The following LAMB1 variants were observed in gnomAD, a reference collection of about 807,000 sequenced individuals.
LAMB1 encodes laminin subunit beta-1.
A neutral mutation model predicts 222.3 loss-of-function variants in LAMB1; 121 were observed. That is an observed-to-expected ratio of 0.54 (90% confidence interval 0.47 to 0.63). The LOEUF (loss-of-function observed/expected upper bound fraction) is 0.63. Ranked by LOEUF, LAMB1 falls within the 30% of genes least tolerant of loss-of-function variation. The pLI, the probability that LAMB1 is intolerant of heterozygous loss-of-function variation, is 0.00. For missense variants in LAMB1, 2,172 were observed against 2,240.8 expected, an observed-to-expected ratio of 0.97 and a Z score of 0.62; for synonymous variants, 794 against 807.2, an observed-to-expected ratio of 0.98 and a Z score of 0.28.
At chr7:107,931,963 TTGAG>T (rs1209535326) in intron 28 of LAMB1, among the ~76,000 whole-genome samples, 1 of 152,200 alleles carries the variant, frequency 6.6e-6, no homozygotes, top group African/African-American at 2.4e-5. Flanking sequence ...AAAGCATGTG[TTGAG>T]TGAGGAGAAA....
chr7:108,000,177 T>G (rs2034355788), intron 3 of LAMB1, among the ~76,000 whole-genome samples: 1 of 148,512 alleles, frequency 6.7e-6, no homozygotes, highest in Admixed American at 6.8e-5. Context: ...AAACTAGTAC[T>G]GGAGAACAAT....
At chr7:108,001,143 C>T (rs1043285204) in intron 3 of LAMB1, among the ~76,000 whole-genome samples, 1 of 152,104 alleles carries the variant, frequency 6.6e-6, no homozygotes, top group Admixed American at 6.5e-5. Flanking sequence ...CCTTGCAAGA[C>T]GCCTGTCATT....
intron 15 of LAMB1, among the ~76,000 whole-genome samples, chr7:107,962,602 T>A (rs2033530608): frequency 6.6e-6 from 1 of 150,438 alleles, no homozygotes; most frequent in Non-Finnish European, 1.5e-5. Context: ...TAATCCCAGC[T>A]ACTCAGGAGG....
intron 3 of LAMB1, among the ~76,000 whole-genome samples, chr7:108,000,827 G>C (rs900282762): frequency 3.3e-5 from 5 of 152,218 alleles, no homozygotes; most frequent in African/African-American, 1.2e-4. Flanking sequence ...CAGGCATGGA[G>C]CCATTTTGCT....
At chr7:107,959,670 C>A (rs2033454058) in intron 19 of LAMB1, 21 bp downstream of exon 19, 2 of 1,614,182 alleles carry the variant, frequency 1.2e-6, no homozygotes, top group Admixed American at 1.7e-5. Flanking sequence ...GAATGCATAA[C>A]AATGCTTTTG....
At chr7:107,942,523 A>G (rs1425025060) in intron 24 of LAMB1, 1 of 152,186 alleles carries the variant, frequency 6.6e-6, no homozygotes, top group African/African-American at 2.4e-5. Flanking sequence ...CATTATGGTT[A>G]AGAGCATGAA....
intron 25 of LAMB1, among the ~76,000 whole-genome samples, chr7:107,939,265 T>G (rs541183753): frequency 1.8e-4 from 27 of 152,112 alleles, no homozygotes; most frequent in African/African-American, 5.8e-4. Flanking sequence ...GGAGAAAGGG[T>G]AGATAAATGA....
intron 7 of LAMB1, among the ~76,000 whole-genome samples, chr7:107,984,980 T>A (rs1409955748): frequency 6.6e-6 from 1 of 152,216 alleles, no homozygotes; most frequent in Non-Finnish European, 1.5e-5. Context: ...GAAAACTCTT[T>A]GGTGGGTTTT....
chr7:107,975,213 C>T lies in LAMB1; in HGVS notation c.1369+21G>A, dbSNP rs374086540. ...TTTCAAACACAAGAAAACTCCCAAA[C>T]TTTTTAGCAAACAGACCTACATTTA... On this transcript the variant is annotated intron_variant, in intron 11 of 33. Coordinates refer to ENST00000222399, the MANE Select transcript of LAMB1 (RefSeq NM_002291.3). The T allele has an allele frequency of 1.9e-6, 3 of 1,600,438 alleles. No homozygotes were observed. The African/African-American group carries it at 4.0e-5, about 21-fold the overall frequency.
At chr7:107,966,346 G>T (rs1355338905) in intron 13 of LAMB1, among the ~76,000 whole-genome samples, 1 of 151,900 alleles carries the variant, frequency 6.6e-6, no homozygotes. Context: ...GAGTAGCTGG[G>T]ACTATAGGCG....
chr7:107,951,244 G>A lies in LAMB1; in HGVS notation c.3373C>T (p.Pro1125Ser). The A allele has an allele frequency of 1.9e-6, 3 of 1,614,082 alleles. No individual in the cohort carries two copies. Among genetic ancestry groups the A allele is most frequent in the Non-Finnish European group, 2.5e-6 (3 of 1,179,962 alleles). ...SECQELFWGD[P>S]DVECRACDCD... is the part of the protein sequence containing the mutation. ...AACTCACCTCGGCACTCCACGTCGG[G>A]GTCTCCCCAGAAGAGTTCCTGGCAC... The change falls in exon 24 of 34, where the codon CCC becomes TCC. Residue 1125 changes from proline (P) to serine (S), a missense_variant. Transcript: ENST00000222399.
intron 27 of LAMB1, among the ~76,000 whole-genome samples, chr7:107,933,223 A>G (rs1416826144): frequency 6.6e-6 from 1 of 152,206 alleles, no homozygotes; most frequent in Non-Finnish European, 1.5e-5. Context: ...GCAGGGAGAA[A>G]ATTGCATTTA....
chr7:107,948,717 G>T (rs1304625392), intron 24 of LAMB1, among the ~76,000 whole-genome samples: 1 of 152,140 alleles, frequency 6.6e-6, no homozygotes, highest in Non-Finnish European at 1.5e-5. Context: ...TAATACAGGA[G>T]TACCAATTGC....
In LAMB1 at chr7:107,978,147, G is replaced by A; in HGVS notation, c.900C>T (p.Cys300=). Residue 300 remains cysteine, a synonymous_variant, in exon 9 of 34, where the codon TGC becomes TGT. Transcript: ENST00000222399. The stretch of plus-strand genomic sequence containing the variant: ...AGTTTAAGCCCTTGGTGTTATGCCT[G>A]CACATGCAGTGTCCGTGAACCTTGA... The part of the protein sequence containing the change: ...VEGMVHGHCM[C]RHNTKGLNCE... 1.2e-6 allele frequency: 2 copies of A among 1,613,968 alleles called. No homozygotes were observed. The highest frequency in any genetic ancestry group is 1.1e-5 in the South Asian group (1 of 91,074).
intron 2 of LAMB1, chr7:108,002,233 G>C (rs566078982): frequency 8.2e-6 from 11 of 1,333,908 alleles, no homozygotes; most frequent in Non-Finnish European, 1.1e-5. Context: ...GCGTGCACGC[G>C]CGAGGGTCAC....
At chr7:107,951,744 T>C (rs1453074457) in intron 23 of LAMB1, among the ~76,000 whole-genome samples, 1 of 152,152 alleles carries the variant, frequency 6.6e-6, no homozygotes, top group Non-Finnish European at 1.5e-5. Context: ...GCCCAGGTAC[T>C]GAAGAGAAAT....
chr7:107,987,605 A>G (rs1249428184), intron 5 of LAMB1, among the ~76,000 whole-genome samples: 2 of 152,188 alleles, frequency 1.3e-5, no homozygotes, highest in South Asian at 2.1e-4. Context: ...GGTTCAAACA[A>G]TTCTTCTGTC....
At position 107,965,299 on chromosome 7, in the gene LAMB1, G is replaced by T. The variant is rs113399278; in HGVS notation, c.1563-612C>A. 4.8e-3 allele frequency among the ~76,000 whole-genome samples: 725 copies of T among 152,330 alleles called. 6 individuals carry two copies. Among genetic ancestry groups the T allele is most frequent in the African/African-American group, 0.017 (691 of 41,574 alleles). ...TGCTATGCTAAATATAAGAAATGCG[G>T]CTGGGCACGGTGGCTCACGCCTGTA... On this transcript the variant is annotated intron_variant, in intron 13 of 33. Transcript: ENST00000222399.
At position 107,994,952 on chromosome 7, in the gene LAMB1, T is replaced by C. The variant is rs1459655388; in HGVS notation, c.358A>G (p.Asn120Asp). Residue 120 changes from asparagine (N) to aspartate (D), a missense_variant, in exon 5 of 34, where the codon AAT (asparagine) becomes GAT (aspartate). Coordinates refer to ENST00000222399, the MANE Select transcript of LAMB1 (RefSeq NM_002291.3). ...TCCAAATCCAGTTGGATAGTTACAT[T>C]TTCCACACCTACAGGAGATTTAAAA... ...IWWQSENGVE[N>D]VTIQLDLEAE... is the part of the protein sequence containing the mutation. 2 of 1,572,820 alleles carry C rather than the reference T, an allele frequency of 1.3e-6. No individual in the cohort carries two copies. Among genetic ancestry groups the C allele is most frequent in the South Asian group, 1.1e-5 (1 of 90,078 alleles).
Sources: gnomAD v4.1 joint callset for allele counts (sites outside exome capture counted in the v4.1 genomes callset) on GRCh38, gnomAD v4.1.1 for gene constraint, MANE v1.5 for transcripts, NCBI Gene and HGNC (gene_info 2026-07-23, HGNC 2026-07-21) for gene names.